PDCD4: variants seen among roughly 807,000 people sequenced by gnomAD.
PDCD4 encodes programmed cell death 4.
A neutral mutation model predicts 54.0 loss-of-function variants in PDCD4; 56 were observed. That is an observed-to-expected ratio of 1.04 (90% CI 0.84 to 1.30). PDCD4 has a LOEUF of 1.30. Ranked by LOEUF, PDCD4 falls within the 50% of genes most tolerant of loss-of-function variation. The probability of loss-of-function intolerance (pLI) is 0.00; values close to 1 mark genes in which losing one functional copy is unlikely to be tolerated. For missense variants in PDCD4, 584 were observed against 559.8 expected (o/e 1.04, Z -0.44); for synonymous variants, 186 against 194.8 (o/e 0.95, Z 0.37).
Position 110,882,165 on chromosome 10 carries a change from T to C in PDCD4, c.346+630T>C, listed in dbSNP as rs1845602225. Among the ~76,000 whole-genome samples, 10 of 152,324 alleles carry C rather than the reference T, an allele frequency of 6.6e-5. No individual in the cohort carries two copies. In the South Asian group the frequency reaches 2.1e-3, roughly 32 times the overall value. Reference sequence around the variant, plus strand: ...TTTCTTGTAAAATGTTTTTGTGATCTGTCAAAAATTAGTTTTGTTAAATGC... The same window carrying C: ...TTTCTTGTAAAATGTTTTTGTGATCCGTCAAAAATTAGTTTTGTTAAATGC... On this transcript the variant is annotated intron_variant, in intron 3 of 11. Transcript: ENST00000280154.
intron 5 of PDCD4, among the ~76,000 whole-genome samples, chr10:110,886,199 A>T (rs1159941360): frequency 6.6e-6 from 1 of 152,212 alleles, no homozygotes; most frequent in Non-Finnish European, 1.5e-5. Flanking sequence ...ACGTTCTGTT[A>T]TAGAGGAAAA....
chr10:110,895,473 T>C (rs1200127379), intron 10 of PDCD4, among the ~76,000 whole-genome samples: 1 of 152,184 alleles, frequency 6.6e-6, no homozygotes. Context: ...CTTTGTCTAA[T>C]CCACCATTGA....
chr10:110,892,219 A>G (rs945945090), intron 8 of PDCD4, among the ~76,000 whole-genome samples: 1 of 152,224 alleles, frequency 6.6e-6, no homozygotes, highest in Non-Finnish European at 1.5e-5. Context: ...ACCTAAATAA[A>G]TAGAATGATA....
intron 11 of PDCD4, among the ~76,000 whole-genome samples, chr10:110,897,271 C>T (rs1395974503): frequency 6.6e-6 from 1 of 152,194 alleles, no homozygotes; most frequent in East Asian, 1.9e-4. Flanking sequence ...GTATACATAC[C>T]ATACAGCTTT....
chr10:110,876,391 T>A (rs116321790), intron 2 of PDCD4, among the ~76,000 whole-genome samples: 2,326 of 152,372 alleles, frequency 0.015, 55 homozygotes, highest in African/African-American at 0.053. Context: ...AAACTATCTT[T>A]AAATACTCTT....
At chr10:110,890,771 C>A in intron 8 of PDCD4, 101 bp downstream of exon 8, 1 of 564,510 alleles carries the variant, frequency 1.8e-6, no homozygotes, top group South Asian at 4.0e-5. Flanking sequence ...AAATTAAGTT[C>A]GGTCTTACAG....
chr10:110,889,589 T>C lies in PDCD4; in HGVS notation c.834T>C (p.Tyr278=). ...GAGATGGAATTTTATGTAATACCTA[T>C]ATTGATAGTTACAAAGGAACTGTAG... is the stretch of plus-strand genomic sequence containing the variant. The part of the protein sequence containing the change: ...AVGDGILCNT[Y]IDSYKGTVDC... The change falls in exon 7 of 12, where the codon TAT becomes TAC. Residue 278 remains tyrosine (Y), a synonymous_variant. Transcript: ENST00000280154. The C allele has an allele frequency of 1.2e-6, 2 of 1,606,662 alleles. No individual in the cohort carries two copies. Among genetic ancestry groups the C allele is most frequent in the Non-Finnish European group, 1.7e-6 (2 of 1,173,532 alleles).
intron 4 of PDCD4, among the ~76,000 whole-genome samples, chr10:110,883,971 G>A (rs1227158337): frequency 3.9e-5 from 6 of 152,242 alleles, no homozygotes; most frequent in Middle Eastern, 3.4e-3. Context: ...ATGTTTTTAG[G>A]CTGAAGCCAG....
chr10:110,887,617 A>T (rs199543363), intron 5 of PDCD4, 48 bp from the exon 6 acceptor site: 24 of 1,308,312 alleles, frequency 1.8e-5, no homozygotes, highest in Non-Finnish European at 1.1e-6. Context: ...ATTGAACTAT[A>T]GGTAGTGATA....
chr10:110,899,404 G>C lies in PDCD4; in HGVS notation c.*1316G>C, dbSNP rs1590742876. On this transcript the variant is annotated 3_prime_UTR_variant, in exon 12 of 12. Transcript: ENST00000280154. ...ACCATTTTTAGGTTTTTAATTGTTT[G>C]ACACTTGGATGATAAATGCAGTCAT... is the stretch of plus-strand genomic sequence containing the variant. 1 of 152,094 alleles carries C rather than the reference G, an allele frequency of 6.6e-6. No individual in the cohort carries two copies. Among genetic ancestry groups the C allele is most frequent in the East Asian group, 1.9e-4 (1 of 5,200 alleles). 9.4% of individuals were successfully genotyped at this position (152,094 alleles called of 1,614,324 possible). A position where few individuals can be genotyped will look rare whatever the true frequency, so the allele number is the denominator to read the frequency against.
intron 4 of PDCD4, 44 bp downstream of exon 4, chr10:110,883,141 A>G (rs767981055): frequency 3.2e-6 from 4 of 1,237,850 alleles, no homozygotes; most frequent in Non-Finnish European, 4.6e-6. Context: ...ATGTTTATGA[A>G]CTTTTTTGAC....
Position 110,898,022 on chromosome 10 carries a change from T to C in PDCD4, c.1350-6T>C. Reference sequence around the variant, plus strand: ...GTTTTCATGTCTTTTTTTTTCTTCATTACAGGGGCAGAAAGCGTTTTGTAA... The same window carrying C: ...GTTTTCATGTCTTTTTTTTTCTTCACTACAGGGGCAGAAAGCGTTTTGTAA... On this transcript the variant is annotated splice_polypyrimidine_tract_variant and splice_region_variant and intron_variant, in intron 11 of 11. Coordinates refer to ENST00000280154, the MANE Select transcript of PDCD4 (RefSeq NM_014456.5). The C allele has an allele frequency of 6.3e-7, 1 of 1,580,090 alleles. No homozygotes were observed. Among genetic ancestry groups the C allele is most frequent in the Middle Eastern group, 1.7e-4 (1 of 5,790 alleles).
At chr10:110,880,340 T>C (rs1293872711) in intron 2 of PDCD4, 1 of 152,244 alleles carries the variant, frequency 6.6e-6, no homozygotes, top group African/African-American at 2.4e-5. Context: ...AGGGAAGTTT[T>C]AATGCAGGGA....
At chr10:110,881,589 T>C in intron 3 of PDCD4, 54 bp downstream of exon 3, 2 of 1,484,730 alleles carry the variant, frequency 1.3e-6, no homozygotes, top group Non-Finnish European at 1.8e-6. Context: ...AAAAAAATTG[T>C]CTGGTTCTTG....
At chr10:110,890,068 G>A (rs1845732441) in intron 7 of PDCD4, among the ~76,000 whole-genome samples, 2 of 152,110 alleles carry the variant, frequency 1.3e-5, no homozygotes, top group South Asian at 4.1e-4. Context: ...TTTCACTCTT[G>A]TGATTTAGTA....
At position 110,877,941 on chromosome 10, in the gene PDCD4, A is replaced by G. The variant is rs542265892; in HGVS notation, c.43+1871A>G. On this transcript the variant is annotated intron_variant, in intron 2 of 11. Transcript: ENST00000280154. ...GAAGCACATACTAGGTATGTAATAC[A>G]TGAAAGTGTGGTAATGTTATTCTAA... Among the ~76,000 whole-genome samples the G allele has an allele frequency of 3.3e-5, 5 of 152,370 alleles. No homozygotes were observed. The East Asian group carries it at 7.7e-4, about 23-fold the overall frequency.
rs1002081241 is a variant in PDCD4, at chr10:110,884,294, G to T, written c.442-959G>T. On this transcript the variant is annotated intron_variant, in intron 4 of 11. Coordinates refer to ENST00000280154, the MANE Select transcript of PDCD4 (RefSeq NM_014456.5). ...TGAGAAAACAGTATTTATTGGGTTC[G>T]GTACTATCTGTGGTTTAAGGCATCC... 2.0e-5 allele frequency among the ~76,000 whole-genome samples: 3 copies of T among 152,220 alleles called. No homozygotes were observed. The South Asian group carries it at 6.2e-4, about 32-fold the overall frequency.
intron 2 of PDCD4, chr10:110,880,441 T>C (rs1564680798): frequency 6.6e-6 from 1 of 152,200 alleles, no homozygotes; most frequent in Non-Finnish European, 1.5e-5. Flanking sequence ...TGTTGATCTC[T>C]TTCAGAAGAA....
chr10:110,894,533 C>T lies in PDCD4; in HGVS notation c.1209+11C>T, dbSNP rs984768667. 4 of 1,144,550 alleles carry T rather than the reference C, an allele frequency of 3.5e-6. No homozygotes were observed. The highest frequency in any genetic ancestry group is 1.3e-5 in the South Asian group (1 of 78,450). 70.9% of individuals were successfully genotyped at this position (1,144,550 alleles called of 1,614,324 possible). ...GACCAAATGAAAAGAGTAAGTATAA[C>T]ATTGTTTTTGAACAACTTGTAGGAT... On this transcript the variant is annotated intron_variant, in intron 10 of 11. Transcript: ENST00000280154.
Sources: gnomAD v4.1 joint callset for allele counts (sites outside exome capture counted in the v4.1 genomes callset) on GRCh38, gnomAD v4.1.1 for gene constraint, MANE v1.5 for transcripts, NCBI Gene and HGNC (gene_info 2026-07-23, HGNC 2026-07-21) for gene names.